The following MIPOL1 variants were observed in gnomAD, a reference collection of about 807,000 sequenced individuals.
MIPOL1 encodes the protein mirror-image polydactyly gene 1 protein.
In MIPOL1, 57 loss-of-function variants were observed where a neutral mutation model predicts 60.9. The ratio of observed to expected loss-of-function variants is 0.94; its 90% CI spans 0.76 to 1.17. MIPOL1 has a LOEUF of 1.17. MIPOL1 is among the 50% of genes most tolerant of loss of function. The probability of loss-of-function intolerance (pLI) is 0.00; values close to 1 mark genes in which losing one functional copy is unlikely to be tolerated. For missense variants in MIPOL1, 551 were observed against 511.6 expected, an observed-to-expected ratio of 1.08 and a Z score of -0.74; for synonymous variants, 179 against 168.8, an observed-to-expected ratio of 1.06 and a Z score of -0.47.
intron 10 of MIPOL1, among the ~76,000 whole-genome samples, chr14:37,372,741 TG>T (rs2092674015): frequency 8.7e-6 from 1 of 114,482 alleles, no homozygotes; most frequent in African/African-American, 3.2e-5. Context: ...GGCAACAGAG[TG>T]AGACTCCGTC....
chr14:37,313,951 T>TA (rs2087614996), intron 9 of MIPOL1, among the ~76,000 whole-genome samples: 1 of 152,178 alleles, frequency 6.6e-6, no homozygotes, highest in Non-Finnish European at 1.5e-5. Flanking sequence ...TTCTGTCTTC[T>TA]AGGTGTTAGT....
At chr14:37,383,614 T>C (rs1231087566) in intron 10 of MIPOL1, among the ~76,000 whole-genome samples, 1 of 151,882 alleles carries the variant, frequency 6.6e-6, no homozygotes, top group Admixed American at 6.6e-5. Flanking sequence ...AGTCATTTAC[T>C]GGTTTTTATC....
rs547738740 is a variant in MIPOL1 at position 37,356,779 on chromosome 14, G to A, written c.829-12738G>A. Among the ~76,000 whole-genome samples the A allele has an allele frequency of 1.4e-4, 22 of 152,270 alleles. No individual in the cohort carries two copies. The South Asian group carries it at 3.5e-3, about 24-fold the overall frequency. The stretch of plus-strand genomic sequence containing the variant: ...CCCTGCTTCGGCTCACGCACGGTGC[G>A]CGAACCCACTGACCTGCGCCCACTG... On this transcript the variant is annotated intron_variant, in intron 9 of 12. Transcript: ENST00000684589.
intron 3 of MIPOL1, among the ~76,000 whole-genome samples, chr14:37,261,291 A>T (rs2082504039): frequency 6.6e-6 from 1 of 152,148 alleles, no homozygotes; most frequent in South Asian, 2.1e-4. Context: ...AGAAAAAGAA[A>T]AAAAAAAGAG....
intron 9 of MIPOL1, among the ~76,000 whole-genome samples, chr14:37,359,673 A>G (rs1310641979): frequency 6.6e-6 from 1 of 152,136 alleles, no homozygotes; most frequent in Non-Finnish European, 1.5e-5. Flanking sequence ...TTGCACATTG[A>G]TTTTGTATCC....
At chr14:37,230,472 G>T (rs1346237025) in intron 1 of MIPOL1, among the ~76,000 whole-genome samples, 1 of 152,128 alleles carries the variant, frequency 6.6e-6, no homozygotes. Flanking sequence ...TTGTGGAGTA[G>T]CTTTGTATAT....
intron 5 of MIPOL1, among the ~76,000 whole-genome samples, chr14:37,269,954 A>T (rs2083167378): frequency 6.6e-6 from 1 of 152,008 alleles, no homozygotes; most frequent in Admixed American, 6.6e-5. Context: ...CAGCCTCTCG[A>T]GTAGCTGGGA....
At chr14:37,359,691 T>A (rs1214256978) in intron 9 of MIPOL1, among the ~76,000 whole-genome samples, 1 of 152,196 alleles carries the variant, frequency 6.6e-6, no homozygotes, top group African/African-American at 2.4e-5. Context: ...TCCTGAGAAT[T>A]TGCCTAATTT....
chr14:37,220,282 G>A (rs546317351), intron 1 of MIPOL1, among the ~76,000 whole-genome samples: 33 of 151,924 alleles, frequency 2.2e-4, no homozygotes, highest in South Asian at 1.0e-3. Context: ...GTTTTGCATC[G>A]TCTCAAACAT....
At chr14:37,298,651 A>G (rs1308869768) in intron 7 of MIPOL1, among the ~76,000 whole-genome samples, 18 of 152,196 alleles carry the variant, frequency 1.2e-4, no homozygotes, top group Admixed American at 1.2e-3. Context: ...CCGAACAGAC[A>G]CTTCTCAAAA....
At chr14:37,476,993 C>A (rs2094786906) in intron 11 of MIPOL1, among the ~76,000 whole-genome samples, 1 of 150,638 alleles carries the variant, frequency 6.6e-6, no homozygotes, top group African/African-American at 2.4e-5. Flanking sequence ...CTCCTCCTCC[C>A]AGGTTCCAGC....
rs568649350 is a variant in MIPOL1, at chr14:37,540,401, C to T, written c.1263-6504C>T. ...TATTTGTGTGTGTTCATATTTATAT[C>T]GTAGTGTCTGTATATATTCATAAAT... On this transcript the variant is annotated intron_variant, in intron 12 of 12. Transcript: ENST00000684589. Among the ~76,000 whole-genome samples, 6 of 152,214 alleles carry T rather than the reference C, an allele frequency of 3.9e-5. No individual in the cohort carries two copies. The South Asian group carries it at 1.0e-3, about 26-fold the overall frequency.
At chr14:37,399,030 A>G (rs1349462278) in intron 10 of MIPOL1, among the ~76,000 whole-genome samples, 1 of 152,216 alleles carries the variant, frequency 6.6e-6, no homozygotes, top group Non-Finnish European at 1.5e-5. Context: ...TTGATATACT[A>G]TAGAAAGCAA....
At chr14:37,215,657 A>G (rs149786869) in intron 1 of MIPOL1, among the ~76,000 whole-genome samples, 1 of 152,188 alleles carries the variant, frequency 6.6e-6, no homozygotes, top group South Asian at 2.1e-4. Context: ...GTTGAATATA[A>G]ATGGACTAAA....
At chr14:37,246,475 C>T (rs1174962737) in intron 1 of MIPOL1, among the ~76,000 whole-genome samples, 7 of 152,032 alleles carry the variant, frequency 4.6e-5, no homozygotes, top group Admixed American at 3.9e-4. Flanking sequence ...CTTTCTAAAA[C>T]TTGGGTTTTG....
chr14:37,389,558 C>G (rs1332916093), intron 10 of MIPOL1, among the ~76,000 whole-genome samples: 1 of 151,192 alleles, frequency 6.6e-6, no homozygotes, highest in Non-Finnish European at 1.5e-5. Context: ...TCTTCTGAGG[C>G]TTGATTTTGG....
intron 11 of MIPOL1, among the ~76,000 whole-genome samples, chr14:37,498,393 AGTTT>A (rs1319742793): frequency 6.6e-6 from 1 of 152,178 alleles, no homozygotes; most frequent in Non-Finnish European, 1.5e-5. Flanking sequence ...TTTAGCTTTT[AGTTT>A]GTTTCTTCTT....
chr14:37,207,621 C>T (rs1168724918), intron 1 of MIPOL1, among the ~76,000 whole-genome samples: 2 of 152,162 alleles, frequency 1.3e-5, no homozygotes, highest in African/African-American at 4.8e-5. Flanking sequence ...TCTTGGCTCA[C>T]TGCAACCTCT....
chr14:37,308,028 T>C (rs935088057), intron 7 of MIPOL1, 28 bp from the exon 8 acceptor site: 1 of 1,601,818 alleles, frequency 6.2e-7, no homozygotes, highest in Non-Finnish European at 8.5e-7. Flanking sequence ...ATGCTACTGA[T>C]CAGGCTTTCT....
Sources: gnomAD v4.1 joint callset for allele counts (sites outside exome capture counted in the v4.1 genomes callset) on GRCh38, gnomAD v4.1.1 for gene constraint, MANE v1.5 for transcripts, NCBI Gene and HGNC (gene_info 2026-07-23, HGNC 2026-07-21) for gene names.